The following CFAP36 variants were observed in gnomAD, a reference collection of about 807,000 sequenced individuals.
CFAP36 encodes the protein cilia- and flagella-associated protein 36.
A neutral mutation model predicts 50.5 loss-of-function variants in CFAP36; 37 were observed. The observed-to-expected ratio is 0.73, with a 90% confidence interval of 0.56 to 0.96. The LOEUF is 0.96. Ranked by LOEUF, CFAP36 falls within the 50% of genes least tolerant of loss-of-function variation. The pLI is 0.00. For missense variants in CFAP36, 407 were observed against 396.2 expected (o/e 1.03, Z -0.23); for synonymous variants, 138 against 128.2 (o/e 1.08, Z -0.52).
intron 3 of CFAP36, among the ~76,000 whole-genome samples, chr2:55,525,960 C>A (rs1684197836): frequency 6.6e-6 from 1 of 152,148 alleles, no homozygotes; most frequent in Non-Finnish European, 1.5e-5. Context: ...GTACACCTAC[C>A]TTTGCTCATG....
At chr2:55,529,647 CTT>C (rs762612056) in intron 4 of CFAP36, among the ~76,000 whole-genome samples, 14 of 126,512 alleles carry the variant, frequency 1.1e-4, no homozygotes, top group Non-Finnish European at 9.8e-5. Flanking sequence ...AGCAGTGGTT[CTT>C]TTTTTTTTTT....
intron 9 of CFAP36, 40 bp from the exon 10 acceptor site, chr2:55,544,867 C>T: frequency 1.5e-6 from 2 of 1,333,058 alleles, no homozygotes; most frequent in South Asian, 1.3e-5. Context: ...GACAAATTAC[C>T]CTATTTCATA....
chr2:55,528,892 T>A lies in CFAP36; in HGVS notation c.297T>A (p.Pro99=), dbSNP rs1006314665. ...TCTTTCCACAGGCCATTTTGCAACC[T>A]GTGTTGGCAGCAGAAGATTTTACTA... ...KTHTSQAILQ[P]VLAAEDFTIF... The change falls in exon 4 of 10, where the codon CCT becomes CCA. Residue 99 remains proline (P), a synonymous_variant. Coordinates refer to ENST00000349456, the MANE Select transcript of CFAP36 (RefSeq NM_080667.7). The A allele has an allele frequency of 6.2e-7, 1 of 1,603,942 alleles. No individual in the cohort carries two copies. Among genetic ancestry groups the A allele is most frequent in the Non-Finnish European group, 8.5e-7 (1 of 1,175,732 alleles).
intron 4 of CFAP36, among the ~76,000 whole-genome samples, chr2:55,531,849 G>A (rs1017233190): frequency 1.3e-5 from 2 of 152,172 alleles, no homozygotes; most frequent in Non-Finnish European, 2.9e-5. Context: ...ATTGGGGAGG[G>A]CCCTGCCTCT....
intron 4 of CFAP36, among the ~76,000 whole-genome samples, chr2:55,533,296 A>T (rs1299679026): frequency 6.6e-6 from 1 of 152,218 alleles, no homozygotes; most frequent in African/African-American, 2.4e-5. Context: ...TTTTGTTGCC[A>T]TACATTGTTA....
chr2:55,527,943 G>A (rs1684252791), intron 3 of CFAP36, among the ~76,000 whole-genome samples: 1 of 151,944 alleles, frequency 6.6e-6, no homozygotes, highest in Non-Finnish European at 1.5e-5. Context: ...GCCAAGGTGG[G>A]CAGATTGCTT....
intron 1 of CFAP36, among the ~76,000 whole-genome samples, chr2:55,520,156 G>A (rs1471315369): frequency 1.3e-5 from 2 of 152,152 alleles, no homozygotes; most frequent in Non-Finnish European, 2.9e-5. Flanking sequence ...AACGGGGACC[G>A]AGACTCCCCT....
chr2:55,535,841 A>C (rs1192266695), intron 6 of CFAP36, 78 bp downstream of exon 6: 1 of 1,477,198 alleles, frequency 6.8e-7, no homozygotes, highest in Non-Finnish European at 9.0e-7. Flanking sequence ...TTACTATTAA[A>C]ATTTATACTT....
intron 7 of CFAP36, among the ~76,000 whole-genome samples, chr2:55,543,550 CAA>C (rs750435413): frequency 2.6e-5 from 4 of 152,116 alleles, no homozygotes; most frequent in East Asian, 3.8e-4. Context: ...TACATGCAAG[CAA>C]AAGTTTGGAA....
At position 55,544,228 on chromosome 2, in the gene CFAP36, A is replaced by G. The variant is rs1558916728; in HGVS notation, c.786A>G (p.Ser262=). The change falls in exon 9 of 10, where the codon TCA becomes TCG. Residue 262 remains serine (S), a synonymous_variant. Coordinates refer to ENST00000349456, the MANE Select transcript of CFAP36 (RefSeq NM_080667.7). The part of the protein sequence containing the change: ...ASIEGPIANL[S]VLGTEELRQR... ...TTTCTTACTTGACCCAGAACTTATC[A>G]GTACTTGGAACAGAAGAACTTCGGC... is the stretch of plus-strand genomic sequence containing the variant. The G allele has an allele frequency of 3.7e-6, 6 of 1,612,284 alleles. No homozygotes were observed. The highest frequency in any genetic ancestry group is 1.6e-4 in the Middle Eastern group (1 of 6,070).
intron 6 of CFAP36, 87 bp from the exon 7 acceptor site, chr2:55,537,396 A>G (rs190295067): frequency 5.6e-6 from 5 of 894,188 alleles, no homozygotes; most frequent in Admixed American, 2.5e-5. Context: ...GAAAACTATA[A>G]TATCTTTGGA....
In CFAP36 at chr2:55,544,858, A is replaced by G. The variant is rs778398618; in HGVS notation, c.928-49A>G. 32 of 1,257,274 alleles carry G rather than the reference A, an allele frequency of 2.5e-5. No individual in the cohort carries two copies. In the African/African-American group the frequency reaches 4.7e-4, roughly 18 times the overall value. 77.9% of individuals were successfully genotyped at this position (1,257,274 alleles called of 1,614,324 possible). ...TGAGGCAGTATGTTGGGAATTTTAGACAAATTACCCTATTTCATACTGTAG... is the reference window on the plus strand; with the variant it reads ...TGAGGCAGTATGTTGGGAATTTTAGGCAAATTACCCTATTTCATACTGTAG... On this transcript the variant is annotated intron_variant, in intron 9 of 9. Transcript: ENST00000349456.
intron 5 of CFAP36, among the ~76,000 whole-genome samples, chr2:55,534,450 G>C (rs1196225151): frequency 2.6e-5 from 4 of 152,178 alleles, no homozygotes; most frequent in African/African-American, 9.7e-5. Context: ...TATCTTGCCG[G>C]TCTCCTTGTT....
At chr2:55,526,624 G>A (rs1380769962) in intron 3 of CFAP36, among the ~76,000 whole-genome samples, 3 of 152,066 alleles carry the variant, frequency 2.0e-5, no homozygotes, top group Admixed American at 2.0e-4. Flanking sequence ...CAGTTGTTTT[G>A]TAGAGAGGGG....
At chr2:55,524,249 C>G (rs1188339350) in intron 3 of CFAP36, among the ~76,000 whole-genome samples, 2 of 151,930 alleles carry the variant, frequency 1.3e-5, no homozygotes, top group South Asian at 4.1e-4. Context: ...ATGTTATAAA[C>G]TAATGTTTGT....
At chr2:55,522,975 G>A (rs1684111746) in intron 2 of CFAP36, among the ~76,000 whole-genome samples, 1 of 151,806 alleles carries the variant, frequency 6.6e-6, no homozygotes, top group African/African-American at 2.4e-5. Flanking sequence ...TGTGCCTGTA[G>A]TCCCAGTTGC....
At chr2:55,526,820 A>C (rs1684219385) in intron 3 of CFAP36, among the ~76,000 whole-genome samples, 1 of 152,080 alleles carries the variant, frequency 6.6e-6, no homozygotes, top group Admixed American at 6.5e-5. Flanking sequence ...CCAGGGTCTC[A>C]ATACCAGCCT....
chr2:55,523,960 T>C, intron 3 of CFAP36, 138 bp downstream of exon 3: 1 of 532,840 alleles, frequency 1.9e-6, no homozygotes, highest in East Asian at 3.1e-5. Context: ...ATTCATCACA[T>C]ATGAGTTCTT....
chr2:55,544,346 G>A lies in CFAP36; in HGVS notation c.904G>A (p.Gly302Arg). The A allele has an allele frequency of 6.2e-7, 1 of 1,613,112 alleles. No individual in the cohort carries two copies. Among genetic ancestry groups the A allele is most frequent in the Non-Finnish European group, 8.5e-7 (1 of 1,179,700 alleles). ...ACAGATACAAAATATGGAGCAGAAA[G>A]GAAAACCCACTGGGGAGGTAGAGGT... is the stretch of plus-strand genomic sequence containing the variant. Reference protein sequence around the residue: ...TKQIQNMEQKGKPTGEVEEMT... With the variant: ...TKQIQNMEQKRKPTGEVEEMT... The change falls in exon 9 of 10, where the codon GGA becomes AGA. Residue 302 changes from glycine to arginine, a missense_variant. Coordinates refer to ENST00000349456, the MANE Select transcript of CFAP36 (RefSeq NM_080667.7).
Sources: allele counts gnomAD v4.1 joint callset (sites outside exome capture counted in the v4.1 genomes callset), GRCh38; gene constraint gnomAD v4.1.1; transcripts MANE v1.5; gene names NCBI Gene and HGNC (gene_info 2026-07-23, HGNC 2026-07-21).